Variants in LOC400499 observed in about 807,000 individuals in gnomAD.
chr16:11,464,885 T>G, the LOC400499 span, among the ~76,000 whole-genome samples: 1 of 152,196 alleles, frequency 6.6e-6, no homozygotes, highest in Non-Finnish European at 1.5e-5. Context: ...CAAGGGCCCC[T>G]GGGAATTCTG....
At chr16:11,396,454 C>A in the LOC400499 span, 3 of 1,229,484 alleles carry the variant, frequency 2.4e-6, no homozygotes, top group Non-Finnish European at 3.0e-6. Flanking sequence ...AGGGAGGAAC[C>A]GCAGGGATGC....
At chr16:11,398,230 T>C in the LOC400499 span, 1 of 861,030 alleles carries the variant, frequency 1.2e-6, no homozygotes, top group East Asian at 3.3e-5. Context: ...AGAGCCACGA[T>C]GGTGGCGTCT....
chr16:11,444,969 G>A, the LOC400499 span, among the ~76,000 whole-genome samples: 2,769 of 152,088 alleles, frequency 0.018, 65 homozygotes, highest in African/African-American at 0.058. Context: ...TGTGCCTGTG[G>A]TCCCAGCTAC....
At chr16:11,494,502 T>C in the LOC400499 span, 6 of 203,352 alleles carry the variant, frequency 3.0e-5, no homozygotes, top group Non-Finnish European at 3.8e-5. Flanking sequence ...CCTCTCCACC[T>C]GGAGCTTGCC....
At chr16:11,401,652 C>T in the LOC400499 span, among the ~76,000 whole-genome samples, 1 of 152,238 alleles carries the variant, frequency 6.6e-6, no homozygotes, top group Non-Finnish European at 1.5e-5. Flanking sequence ...GGTCGCGCTC[C>T]TCCTCCACTG....
chr16:11,455,590 C>T, the LOC400499 span, among the ~76,000 whole-genome samples: 7 of 151,736 alleles, frequency 4.6e-5, no homozygotes, highest in African/African-American at 1.7e-4. Context: ...GAAAAATTTG[C>T]CAGGTGTGGT....
chr16:11,508,338 C>T, the LOC400499 span, among the ~76,000 whole-genome samples: 97 of 152,336 alleles, frequency 6.4e-4, no homozygotes, highest in Admixed American at 8.5e-4. Context: ...CCAGGAGTTT[C>T]GGAGGAGGCC....
chr16:11,447,952 C>T, the LOC400499 span: 118 of 1,535,842 alleles, frequency 7.7e-5, no homozygotes, highest in African/African-American at 1.3e-3. Context: ...CAAGGCCCCC[C>T]GTTTCCGGTA....
chr16:11,396,235 C>T, the LOC400499 span, among the ~76,000 whole-genome samples: 1 of 152,212 alleles, frequency 6.6e-6, no homozygotes, highest in African/African-American at 2.4e-5. Context: ...ACTTGGGCAG[C>T]CCAGCCACTG....
the LOC400499 span, among the ~76,000 whole-genome samples, chr16:11,375,732 AT>A: frequency 1.7e-3 from 223 of 130,552 alleles, 1 homozygote; most frequent in African/African-American, 2.4e-3. Context: ...TCCTTTGTAC[AT>A]TTTTTTTTTT....
At chr16:11,469,467 G>A in the LOC400499 span, 20 of 398,934 alleles carry the variant, frequency 5.0e-5, no homozygotes, top group Admixed American at 1.8e-4. Flanking sequence ...GTGTGGCACC[G>A]AGTGAGGGGC....
chr16:11,518,521 A>T, the LOC400499 span, among the ~76,000 whole-genome samples: 8 of 151,972 alleles, frequency 5.3e-5, no homozygotes, highest in Non-Finnish European at 1.0e-4. Flanking sequence ...TCCAGAACAC[A>T]CTCAACAACA....
chr16:11,461,277 A>T, the LOC400499 span, among the ~76,000 whole-genome samples: 16 of 152,348 alleles, frequency 1.1e-4, no homozygotes, highest in East Asian at 2.7e-3. Context: ...GGCCACAGAC[A>T]GGCCTGATCA....
the LOC400499 span, among the ~76,000 whole-genome samples, chr16:11,508,302 C>T: frequency 6.6e-6 from 1 of 152,346 alleles, no homozygotes; most frequent in East Asian, 1.9e-4. Context: ...GTCTCAAAGC[C>T]ACATCCACCT....
chr16:11,373,618 C>A, the LOC400499 span, among the ~76,000 whole-genome samples: 1 of 151,594 alleles, frequency 6.6e-6, no homozygotes, highest in Admixed American at 6.6e-5. Flanking sequence ...AGCCACCATG[C>A]CCAGCTATTT....
the LOC400499 span, among the ~76,000 whole-genome samples, chr16:11,461,680 C>A: frequency 2.6e-5 from 4 of 152,178 alleles, no homozygotes; most frequent in Non-Finnish European, 5.9e-5. Flanking sequence ...TTATGACTCC[C>A]AGACACCCAC....
At chr16:11,488,732 T>C in the LOC400499 span, 1 of 398,934 alleles carries the variant, frequency 2.5e-6, no homozygotes, top group Non-Finnish European at 4.4e-6. Context: ...GACATCAGAA[T>C]AGGACGAGTG....
the LOC400499 span, chr16:11,472,040 G>T: frequency 2.6e-6 from 1 of 385,760 alleles, no homozygotes; most frequent in African/African-American, 2.1e-5. Context: ...TTTGGGGGCT[G>T]TCCTGTGCAT....
chr16:11,474,937 A>G, the LOC400499 span, among the ~76,000 whole-genome samples: 155 of 152,354 alleles, frequency 1.0e-3, no homozygotes, highest in African/African-American at 3.5e-3. Context: ...CTGGAAGCTG[A>G]GTCATGCAAG....
Sources: gnomAD v4.1 joint callset for allele counts (sites outside exome capture counted in the v4.1 genomes callset) on GRCh38, gnomAD v4.1.1 for gene constraint, MANE v1.5 for transcripts.